HIGD2A: variants seen among roughly 807,000 people sequenced by gnomAD.
HIGD2A encodes the protein HIG1 domain family member 2A, mitochondrial.
Under a neutral mutation model 6.3 loss-of-function variants are expected in HIGD2A, and 4 were observed. That is an observed-to-expected ratio of 0.64 (90% CI 0.31 to 1.46). The LOEUF (loss-of-function observed/expected upper bound fraction) is 1.46. Ranked by LOEUF, HIGD2A falls within the 40% of genes most tolerant of loss-of-function variation. HIGD2A has a pLI of 0.07. For synonymous variants in HIGD2A, 63 were observed against 59.3 expected (o/e 1.06, Z -0.29); for missense variants, 143 against 144.8 (o/e 0.99, Z 0.06).
intron 1 of HIGD2A, 55 bp downstream of exon 1, chr5:176,389,028 G>A (rs1756140647): frequency 1.0e-5 from 16 of 1,598,656 alleles, no homozygotes; most frequent in African/African-American, 1.3e-5. Flanking sequence ...TCGGAGGGAA[G>A]GAAGTAGAGA....
Position 176,388,890 on chromosome 5 carries a change from T to C in HIGD2A, c.71T>C (p.Leu24Pro). Residue 24 changes from leucine (L) to proline (P), a missense_variant, in exon 1 of 2, where the codon CTG becomes CCG. By Grantham distance (98) the Leu-to-Pro change is moderately conservative. Transcript: ENST00000274787. ...TCGAAGCCTCCAGTCATTGAGGGGC[T>C]GAGCCCCACTGTTTACAGGAATCCA... ...EPSKPPVIEG[L>P]SPTVYRNPES... 6.2e-7 allele frequency: 1 copy of C among 1,614,172 alleles called. No homozygotes were observed. The highest frequency in any genetic ancestry group is 2.2e-5 in the East Asian group (1 of 44,882).
At position 176,389,600 on chromosome 5, in the gene HIGD2A, C is replaced by T. The variant is rs1001320589; in HGVS notation, c.*103C>T. 2 of 1,243,752 alleles carry T rather than the reference C, an allele frequency of 1.6e-6. No individual in the cohort carries two copies. The highest frequency in any genetic ancestry group is 1.1e-6 in the Non-Finnish European group (1 of 899,844). 77.0% of individuals were successfully genotyped at this position (1,243,752 alleles called of 1,614,324 possible). ...TTACTCCCTCCTCTCCTTTGAGAGGCCCATGTGTCGCTGGGGAGGAAGTGA... is the reference window on the plus strand; with the variant it reads ...TTACTCCCTCCTCTCCTTTGAGAGGTCCATGTGTCGCTGGGGAGGAAGTGA... On this transcript the variant is annotated 3_prime_UTR_variant, in exon 2 of 2. Transcript: ENST00000274787.
At chr5:176,389,276 G>A in intron 1 of HIGD2A, 55 bp from the exon 2 acceptor site, 1 of 1,563,974 alleles carries the variant, frequency 6.4e-7, no homozygotes, top group Non-Finnish European at 8.7e-7. Context: ...CCAAAGCGGG[G>A]AATGACCTGC....
At position 176,389,685 on chromosome 5, in the gene HIGD2A, G is replaced by A. The variant is rs1581415947; in HGVS notation, c.*188G>A. The A allele has an allele frequency of 1.3e-5, 7 of 543,776 alleles. No homozygotes were observed. The highest frequency in any genetic ancestry group is 2.2e-5 in the Non-Finnish European group (7 of 313,000). The allele number at this position is 543,776 out of a possible 1,614,324, so 33.7% of individuals were successfully genotyped here. On this transcript the variant is annotated 3_prime_UTR_variant, in exon 2 of 2. Coordinates refer to ENST00000274787, the MANE Select transcript of HIGD2A (RefSeq NM_138820.4). ...AAATCCTAGATGCTGTTGTTTGAAT[G>A]TTACATACTTCTATTTGTGCCACAT... is the stretch of plus-strand genomic sequence containing the variant.
rs773516368 is a variant in HIGD2A, at chr5:176,389,428, C to T, written c.252C>T (p.Ala84=). 4.3e-6 allele frequency: 7 copies of T among 1,614,202 alleles called. No homozygotes were observed. In the South Asian group the frequency reaches 5.5e-5, roughly 13 times the overall value. ...AGCTCATGATGCGCACCCGGATCGC[C>T]GCCCAGGGTTTCACGGTCGCAGCCA... ...RSQLMMRTRI[A]AQGFTVAAIL... The change falls in exon 2 of 2, where the codon GCC becomes GCT. Residue 84 remains alanine, a synonymous_variant. Transcript: ENST00000274787.
In HIGD2A at chr5:176,389,491, A is replaced by C; in HGVS notation, c.315A>C (p.Arg105=). ...LGLAVTAMKS[R]P ...TGGCTGTCACTGCTATGAAGTCTCG[A>C]CCCTAAGCCCAGGGTCTGGCCTTGA... Residue 105 remains arginine, a synonymous_variant, in exon 2 of 2, where the codon CGA becomes CGC. Transcript: ENST00000274787. 6.2e-7 allele frequency: 1 copy of C among 1,612,556 alleles called. No homozygotes were observed. The highest frequency in any genetic ancestry group is 2.2e-5 in the East Asian group (1 of 44,836).
rs1456241960 is a variant in HIGD2A, at chr5:176,389,526, A to C, written c.*29A>C. 1 of 1,588,358 alleles carries C rather than the reference A, an allele frequency of 6.3e-7. No individual in the cohort carries two copies. Among genetic ancestry groups the C allele is most frequent in the South Asian group, 1.1e-5 (1 of 87,986 alleles). ...CAGGGTCTGGCCTTGAAAGCTCCGC[A>C]GAAATGATTCCAAAACCCAGGGAGC... On this transcript the variant is annotated 3_prime_UTR_variant, in exon 2 of 2. Coordinates refer to ENST00000274787, the MANE Select transcript of HIGD2A (RefSeq NM_138820.4).
Position 176,389,560 on chromosome 5 carries a change from G to A in HIGD2A, c.*63G>A. On this transcript the variant is annotated 3_prime_UTR_variant, in exon 2 of 2. Transcript: ENST00000274787. ...TCCAAAACCCAGGGAGCAACCACTG[G>A]CCCTACCGTGGGACTTACTCCCTCC... is the stretch of plus-strand genomic sequence containing the variant. The A allele has an allele frequency of 3.9e-6, 6 of 1,521,070 alleles. No individual in the cohort carries two copies. Among genetic ancestry groups the A allele is most frequent in the Non-Finnish European group, 5.3e-6 (6 of 1,121,562 alleles). 94.2% of individuals were successfully genotyped at this position (1,521,070 alleles called of 1,614,324 possible).
At chr5:176,389,181 G>A (rs1175447735) in intron 1 of HIGD2A, 150 bp from the exon 2 acceptor site, 1 of 1,085,722 alleles carries the variant, frequency 9.2e-7, no homozygotes, top group Admixed American at 2.2e-5. Context: ...GGAGGACTCT[G>A]TAACTAGGAA....
chr5:176,389,076 A>C (rs1443633467), intron 1 of HIGD2A, 103 bp downstream of exon 1: 5 of 1,446,340 alleles, frequency 3.5e-6, no homozygotes, highest in Non-Finnish European at 3.8e-6. Flanking sequence ...AGGAGAGCGG[A>C]CTAGAGAAGA....
chr5:176,389,012 G>C (rs1168335602), intron 1 of HIGD2A, 39 bp downstream of exon 1: 2 of 1,610,650 alleles, frequency 1.2e-6, no homozygotes, highest in East Asian at 2.2e-5. Context: ...GGAGAGGACA[G>C]TGATGTCGGA....
At position 176,388,819 on chromosome 5, in the gene HIGD2A, C is replaced by G. The variant is rs762696953; in HGVS notation, c.-1C>G. 6.2e-7 allele frequency: 1 copy of G among 1,613,428 alleles called. No individual in the cohort carries two copies. Among genetic ancestry groups the G allele is most frequent in the Non-Finnish European group, 8.5e-7 (1 of 1,179,800 alleles). ...TTTTCTCCTGCTGCTGTGGCCCGGA[C>G]ATGGCGACTCCCGGCCCTGTGATTC... On this transcript the variant is annotated 5_prime_UTR_variant, in exon 1 of 2. Transcript: ENST00000274787.
Position 176,389,526 on chromosome 5 carries a change from A to G in HIGD2A, c.*29A>G. 2 of 1,588,358 alleles carry G rather than the reference A, an allele frequency of 1.3e-6. No homozygotes were observed. The highest frequency in any genetic ancestry group is 1.7e-6 in the Non-Finnish European group (2 of 1,165,456). ...CAGGGTCTGGCCTTGAAAGCTCCGC[A>G]GAAATGATTCCAAAACCCAGGGAGC... On this transcript the variant is annotated 3_prime_UTR_variant, in exon 2 of 2. Transcript: ENST00000274787.
In HIGD2A at chr5:176,389,720, A is replaced by C; in HGVS notation, c.*223A>C. On this transcript the variant is annotated 3_prime_UTR_variant, in exon 2 of 2. Coordinates refer to ENST00000274787, the MANE Select transcript of HIGD2A (RefSeq NM_138820.4). Reference sequence around the variant, plus strand: ...TCTATTTGTGCCACATCTCCCCTCCACTCCCCTGCTTAATAAACTCTAAAA... The same window carrying C: ...TCTATTTGTGCCACATCTCCCCTCCCCTCCCCTGCTTAATAAACTCTAAAA... 2.2e-6 allele frequency: 1 copy of C among 462,630 alleles called. No individual in the cohort carries two copies. Among genetic ancestry groups the C allele is most frequent in the Non-Finnish European group, 3.8e-6 (1 of 261,786 alleles). 28.7% of individuals were successfully genotyped at this position (462,630 alleles called of 1,614,324 possible).
At position 176,388,957 on chromosome 5, in the gene HIGD2A, C is replaced by T; in HGVS notation, c.138C>T (p.Asn46=). ...KEKFVRKTRE[N]PVVPIGCLAT... is the part of the protein sequence containing the mutation. ...AGTTCGTTCGCAAGACCCGCGAGAA[C>T]CCGGTGGTACCCATAGGTAAGTGGG... Residue 46 remains asparagine, a synonymous_variant, in exon 1 of 2, where the codon AAC becomes AAT. Transcript: ENST00000274787. 1 of 1,614,142 alleles carries T rather than the reference C, an allele frequency of 6.2e-7. No homozygotes were observed. Among genetic ancestry groups the T allele is most frequent in the Non-Finnish European group, 8.5e-7 (1 of 1,180,044 alleles).
chr5:176,389,087 G>C (rs1319400891), intron 1 of HIGD2A, 114 bp downstream of exon 1: 1 of 1,385,812 alleles, frequency 7.2e-7, no homozygotes, highest in Non-Finnish European at 9.9e-7. Context: ...CTAGAGAAGA[G>C]ACGAGGGGGC....
In HIGD2A at chr5:176,388,969, C is replaced by T. The variant is rs540312279; in HGVS notation, c.150C>T (p.Pro50=). The change falls in exon 1 of 2, where the codon CCC becomes CCT. Residue 50 remains proline (P), a synonymous_variant. Transcript: ENST00000274787. ...AGACCCGCGAGAACCCGGTGGTACC[C>T]ATAGGTAAGTGGGTGCGGTAGGAAC... ...VRKTRENPVV[P]IGCLATAAAL... is the part of the protein sequence containing the mutation. The T allele has an allele frequency of 5.0e-6, 8 of 1,614,024 alleles. No individual in the cohort carries two copies. The highest frequency in any genetic ancestry group is 1.6e-4 in the Middle Eastern group (1 of 6,062).
rs1756137041 is a variant in HIGD2A, at chr5:176,388,983, T to G, written c.154+10T>G. The stretch of plus-strand genomic sequence containing the variant: ...CCGGTGGTACCCATAGGTAAGTGGG[T>G]GCGGTAGGAACTGCACAAGGAGAGG... On this transcript the variant is annotated intron_variant, in intron 1 of 1. Coordinates refer to ENST00000274787, the MANE Select transcript of HIGD2A (RefSeq NM_138820.4). The G allele has an allele frequency of 6.2e-7, 1 of 1,612,114 alleles. No individual in the cohort carries two copies. Among genetic ancestry groups the G allele is most frequent in the African/African-American group, 1.3e-5 (1 of 74,324 alleles).
Position 176,389,627 on chromosome 5 carries a change from C to A in HIGD2A, c.*130C>A. On this transcript the variant is annotated 3_prime_UTR_variant, in exon 2 of 2. Coordinates refer to ENST00000274787, the MANE Select transcript of HIGD2A (RefSeq NM_138820.4). The stretch of plus-strand genomic sequence containing the variant: ...CATGTGTCGCTGGGGAGGAAGTGAC[C>A]CTTTGTGTAACTGTAACCGAAAGTT... 2 of 1,015,520 alleles carry A rather than the reference C, an allele frequency of 2.0e-6. No homozygotes were observed. The highest frequency in any genetic ancestry group is 2.8e-6 in the Non-Finnish European group (2 of 707,904). 62.9% of individuals were successfully genotyped at this position (1,015,520 alleles called of 1,614,324 possible).
Sources: gnomAD v4.1 joint callset for allele counts on GRCh38, gnomAD v4.1.1 for gene constraint, MANE v1.5 for transcripts, NCBI Gene and HGNC (gene_info 2026-07-23, HGNC 2026-07-21) for gene names.